The following CLCN3 variants were observed in gnomAD, a reference collection of about 807,000 sequenced individuals.
The protein encoded by CLCN3 is Cl-/H+ antiporter 3.
A neutral mutation model predicts 83.4 loss-of-function variants in CLCN3; 16 were observed. The observed-to-expected ratio is 0.19, with a 90% CI of 0.13 to 0.29. The LOEUF is 0.29. Among genes scored for constraint, CLCN3 ranks in the 10% least tolerant of loss-of-function variants. CLCN3 has a pLI of 1.00. For synonymous variants in CLCN3, 322 were observed against 346.2 expected (o/e 0.93, Z 0.78); for missense variants, 544 against 1,006.0 (o/e 0.54, Z 6.21).
At chr4:169,717,769 A>G in intron 12 of CLCN3, 1 of 1,483,452 alleles carries the variant, frequency 6.7e-7, no homozygotes, top group Non-Finnish European at 9.4e-7. Flanking sequence ...TCACACAGTT[A>G]TTAGCATAAT....
At chr4:169,684,913 G>A (rs1180321366) in intron 3 of CLCN3, among the ~76,000 whole-genome samples, 2 of 151,466 alleles carry the variant, frequency 1.3e-5, no homozygotes, top group Non-Finnish European at 2.9e-5. Flanking sequence ...AAAATTTTAG[G>A]TAATCTGTCT....
At chr4:169,708,877 A>G (rs1733090101) in intron 11 of CLCN3, among the ~76,000 whole-genome samples, 1 of 151,350 alleles carries the variant, frequency 6.6e-6, no homozygotes, top group Admixed American at 6.6e-5. Context: ...TTTACCGTGT[A>G]TGTTTTTGTA....
At chr4:169,677,167 C>A (rs1319669918) in intron 2 of CLCN3, among the ~76,000 whole-genome samples, 1 of 151,616 alleles carries the variant, frequency 6.6e-6, no homozygotes, top group African/African-American at 2.4e-5. Flanking sequence ...ATATATTGCA[C>A]CTGGAAGTTA....
intron 2 of CLCN3, among the ~76,000 whole-genome samples, chr4:169,638,743 G>A (rs1730312850): frequency 6.6e-6 from 1 of 152,162 alleles, no homozygotes; most frequent in Non-Finnish European, 1.5e-5. Context: ...GTGCCAAGCA[G>A]TAAGGATGGG....
chr4:169,683,618 T>TA (rs1416112806), intron 3 of CLCN3, among the ~76,000 whole-genome samples: 1 of 152,224 alleles, frequency 6.6e-6, no homozygotes, highest in Non-Finnish European at 1.5e-5. Flanking sequence ...TAGCTAATTT[T>TA]ATCAATCATC....
rs140518095 is a variant in CLCN3 at position 169,710,201 on chromosome 4, G to T, written c.2150-2878G>T. Among the ~76,000 whole-genome samples, 344 of 152,194 alleles carry T rather than the reference G, an allele frequency of 2.3e-3. 1 individual carries two copies. Among genetic ancestry groups the T allele is most frequent in the African/African-American group, 7.5e-3 (311 of 41,538 alleles). On this transcript the variant is annotated intron_variant, in intron 11 of 12. Transcript: ENST00000513761. ...TCAGGCTAATTAACTCAGATTTTTTGTGTGTGTGGGGAGAATATCTAAAAT... is the reference window on the plus strand; with the variant it reads ...TCAGGCTAATTAACTCAGATTTTTTTTGTGTGTGGGGAGAATATCTAAAAT...
rs542928047 is a variant in CLCN3 at position 169,716,240 on chromosome 4, T to C, written c.2366+2945T>C. 2.0e-5 allele frequency among the ~76,000 whole-genome samples: 3 copies of C among 152,320 alleles called. No individual in the cohort carries two copies. In the East Asian group the frequency reaches 5.8e-4, roughly 29 times the overall value. ...TCGCTCTTCTCCATTAATGTGTGTTTCTCCATCTTTTAGGGTTTTTACTTT... is the reference window on the plus strand; with the variant it reads ...TCGCTCTTCTCCATTAATGTGTGTTCCTCCATCTTTTAGGGTTTTTACTTT... On this transcript the variant is annotated intron_variant, in intron 12 of 12. Coordinates refer to ENST00000513761, the MANE Select transcript of CLCN3 (RefSeq NM_001829.4).
intron 2 of CLCN3, among the ~76,000 whole-genome samples, chr4:169,667,227 C>G (rs1731278075): frequency 6.6e-6 from 1 of 151,902 alleles, no homozygotes. Flanking sequence ...CCAGTTGTCC[C>G]AGCATCATTT....
chr4:169,647,356 C>T (rs1730604079), intron 2 of CLCN3, among the ~76,000 whole-genome samples: 1 of 152,092 alleles, frequency 6.6e-6, no homozygotes, highest in African/African-American at 2.4e-5. Flanking sequence ...AGCCACTGCA[C>T]TCCAGCCTGG....
At chr4:169,678,807 T>G (rs2150236593) in intron 2 of CLCN3, among the ~76,000 whole-genome samples, 1 of 152,352 alleles carries the variant, frequency 6.6e-6, no homozygotes, top group East Asian at 1.9e-4. Flanking sequence ...GAGTCTCCTG[T>G]GTCTACTTCT....
intron 2 of CLCN3, among the ~76,000 whole-genome samples, chr4:169,647,923 G>A (rs767936979): frequency 6.6e-6 from 1 of 152,202 alleles, no homozygotes. Flanking sequence ...TAGATATCAT[G>A]TACTCTTGAT....
intron 3 of CLCN3, among the ~76,000 whole-genome samples, chr4:169,683,490 G>T (rs2150242454): frequency 6.6e-6 from 1 of 152,232 alleles, no homozygotes; most frequent in East Asian, 1.9e-4. Context: ...GCAAGACCCT[G>T]TCACCCTCCA....
Position 169,704,053 on chromosome 4 carries a change from TTG to T in CLCN3, c.1622_1623del (p.Val541GlyfsTer18). 6.2e-7 allele frequency: 1 copy of T among 1,614,046 alleles called. No individual in the cohort carries two copies. Among genetic ancestry groups the T allele is most frequent in the Non-Finnish European group, 8.5e-7 (1 of 1,179,984 alleles). On this transcript the variant is annotated frameshift_variant, in exon 10 of 13. Transcript: ENST00000513761. LOFTEE classifies it high-confidence loss of function. ...GCCATTGGAGCGATCGCAGGAAGGATTGTGGGGATTGCGGTGGAGCAGCTTGC... is the reference window on the plus strand; with the variant it reads ...GCCATTGGAGCGATCGCAGGAAGGATTGGGGATTGCGGTGGAGCAGCTTGC...
intron 2 of CLCN3, chr4:169,660,576 T>G (rs1731021575): frequency 3.7e-6 from 2 of 544,370 alleles, no homozygotes; most frequent in African/African-American, 3.9e-5. Context: ...TGCCCTGGGT[T>G]GTTAGTAAGG....
intron 2 of CLCN3, among the ~76,000 whole-genome samples, chr4:169,664,261 G>A (rs535683798): frequency 5.4e-4 from 82 of 152,096 alleles, no homozygotes; most frequent in African/African-American, 1.9e-3. Flanking sequence ...AAAGTTTGGG[G>A]TCTTATTTTT....
intron 1 of CLCN3, among the ~76,000 whole-genome samples, chr4:169,625,092 CTT>C (rs1560823546): frequency 1.3e-5 from 2 of 152,198 alleles, no homozygotes; most frequent in African/African-American, 4.8e-5. Context: ...CACCTGGCCT[CTT>C]TTCACGTTTC....
chr4:169,676,548 G>T (rs1233233376), intron 2 of CLCN3, among the ~76,000 whole-genome samples: 1 of 150,274 alleles, frequency 6.7e-6, no homozygotes, highest in African/African-American at 2.5e-5. Context: ...CTCTTGGCCC[G>T]GTTGAAATGC....
intron 2 of CLCN3, among the ~76,000 whole-genome samples, chr4:169,646,437 T>G (rs564231704): frequency 2.0e-5 from 3 of 152,050 alleles, no homozygotes; most frequent in Non-Finnish European, 4.4e-5. Flanking sequence ...TACAGGCATG[T>G]GCCACCATGC....
At chr4:169,690,176 C>T (rs1301760026) in intron 5 of CLCN3, among the ~76,000 whole-genome samples, 4 of 114,960 alleles carry the variant, frequency 3.5e-5, no homozygotes, top group Non-Finnish European at 6.5e-5. Context: ...GATGGAGTCT[C>T]ACTCTGTTGC....
Sources: gnomAD v4.1 joint callset for allele counts (sites outside exome capture counted in the v4.1 genomes callset) on GRCh38, gnomAD v4.1.1 for gene constraint, MANE v1.5 for transcripts, NCBI Gene and HGNC (gene_info 2026-07-23, HGNC 2026-07-21) for gene names.